Variants in BBS9 observed in about 807,000 individuals in gnomAD.
BBS9 encodes the protein protein PTHB1.
In BBS9, 89 loss-of-function variants were observed where a neutral mutation model predicts 117.7. The observed-to-expected ratio is 0.76, with a 90% CI of 0.64 to 0.90. The LOEUF is 0.90. Among genes scored for constraint, BBS9 ranks in the 40% least tolerant of loss-of-function variants. The pLI is 0.00. For synonymous variants in BBS9, 379 were observed against 370.9 expected, an observed-to-expected ratio of 1.02 and a Z score of -0.25; for missense variants, 982 against 1,042.2, an observed-to-expected ratio of 0.94 and a Z score of 0.80.
rs538974064 is a variant in BBS9 at position 33,230,087 on chromosome 7, C to A, written c.443-27149C>A. ...GAGAAATGTCTATTTATGTCTTTTG[C>A]CCATTTAAAAATCAGATTGTTTTGA... On this transcript the variant is annotated intron_variant, in intron 5 of 22. Coordinates refer to ENST00000242067, the MANE Select transcript of BBS9 (RefSeq NM_198428.3). Among the ~76,000 whole-genome samples, 8 of 152,176 alleles carry A rather than the reference C, an allele frequency of 5.3e-5. No homozygotes were observed. In the South Asian group the frequency reaches 1.7e-3, roughly 32 times the overall value.
intron 9 of BBS9, among the ~76,000 whole-genome samples, chr7:33,320,171 T>A (rs1811393256): frequency 6.6e-6 from 1 of 152,206 alleles, no homozygotes; most frequent in Non-Finnish European, 1.5e-5. Flanking sequence ...CACCCTGTTG[T>A]GCTAGCAAAT....
At chr7:33,324,395 ATTG>A (rs759432183) in intron 9 of BBS9, among the ~76,000 whole-genome samples, 1 of 152,008 alleles carries the variant, frequency 6.6e-6, no homozygotes, top group African/African-American at 2.4e-5. Context: ...TTTAACTTTT[ATTG>A]TTTCTCTTTA....
chr7:33,203,633 A>T (rs1188085149), intron 5 of BBS9, among the ~76,000 whole-genome samples: 3 of 152,210 alleles, frequency 2.0e-5, no homozygotes. Context: ...CTATGGTATG[A>T]TAAATGCTGC....
chr7:33,407,619 A>T (rs556489107), intron 19 of BBS9, among the ~76,000 whole-genome samples: 109 of 152,190 alleles, frequency 7.2e-4, no homozygotes, highest in African/African-American at 2.4e-3. Context: ...TTTCGTGTGG[A>T]TGTCCTTTCT....
intron 15 of BBS9, among the ~76,000 whole-genome samples, chr7:33,354,569 CT>C (rs1819290197): frequency 6.6e-6 from 1 of 152,094 alleles, no homozygotes; most frequent in African/African-American, 2.4e-5. Flanking sequence ...TGAAATTACT[CT>C]AGCAGGCCCC....
intron 9 of BBS9, among the ~76,000 whole-genome samples, chr7:33,286,032 G>A (rs139136792): frequency 2.3e-3 from 347 of 152,034 alleles, no homozygotes; most frequent in Non-Finnish European, 3.5e-3. Flanking sequence ...AATTTGCCTG[G>A]CAGAGATTTT....
In BBS9 at chr7:33,604,854, T is replaced by G; in HGVS notation, c.2522-11T>G. On this transcript the variant is annotated splice_polypyrimidine_tract_variant and intron_variant, in intron 21 of 22. Coordinates refer to ENST00000242067, the MANE Select transcript of BBS9 (RefSeq NM_198428.3). Reference sequence around the variant, plus strand: ...ACATTGCTTAAAATATTGTTTGTATTTTTCAACTAGGTGGTTGTACTACAA... The same window carrying G: ...ACATTGCTTAAAATATTGTTTGTATGTTTCAACTAGGTGGTTGTACTACAA... 6.3e-7 allele frequency: 1 copy of G among 1,582,632 alleles called. No individual in the cohort carries two copies. The highest frequency in any genetic ancestry group is 1.3e-5 in the African/African-American group (1 of 74,318).
intron 5 of BBS9, among the ~76,000 whole-genome samples, chr7:33,213,587 G>A (rs1454671843): frequency 6.6e-6 from 1 of 152,172 alleles, no homozygotes; most frequent in African/African-American, 2.4e-5. Flanking sequence ...CTGGGAATGT[G>A]CTGGGTCACA....
intron 21 of BBS9, among the ~76,000 whole-genome samples, chr7:33,615,339 C>T (rs773948402): frequency 1.4e-4 from 22 of 152,000 alleles, no homozygotes; most frequent in Non-Finnish European, 2.6e-4. Flanking sequence ...ACTAAGGGTT[C>T]TGCACTGGAT....
intron 5 of BBS9, among the ~76,000 whole-genome samples, chr7:33,196,136 G>T (rs1050176067): frequency 3.9e-5 from 6 of 151,922 alleles, no homozygotes; most frequent in African/African-American, 1.5e-4. Context: ...TCCTGCCAAA[G>T]AAAATAGTGA....
chr7:33,199,606 T>C (rs1476232490), intron 5 of BBS9, among the ~76,000 whole-genome samples: 2 of 151,862 alleles, frequency 1.3e-5, no homozygotes, highest in African/African-American at 4.8e-5. Context: ...TTTAATGTTA[T>C]ACTTACTCAG....
intron 19 of BBS9, among the ~76,000 whole-genome samples, chr7:33,412,491 A>C (rs1831326510): frequency 6.6e-6 from 1 of 152,192 alleles, no homozygotes. Context: ...TATTTTGCTA[A>C]TGAGATATGC....
intron 9 of BBS9, among the ~76,000 whole-genome samples, chr7:33,294,342 T>TCTTTGTCC (rs1804793028): frequency 3.0e-5 from 4 of 132,224 alleles, no homozygotes; most frequent in African/African-American, 1.2e-4. Flanking sequence ...TCTATCTATC[T>TCTTTGTCC]ATCTATCTAT....
At chr7:33,237,074 G>T (rs1317905957) in intron 5 of BBS9, among the ~76,000 whole-genome samples, 1 of 151,998 alleles carries the variant, frequency 6.6e-6, no homozygotes, top group African/African-American at 2.4e-5. Flanking sequence ...AATATAAAAT[G>T]AATACATTTT....
intron 1 of BBS9, among the ~76,000 whole-genome samples, chr7:33,138,267 G>A (rs1459598768): frequency 1.4e-5 from 2 of 146,496 alleles, no homozygotes; most frequent in African/African-American, 4.9e-5. Context: ...ATACTTTCCA[G>A]CTGTTTTAGG....
At chr7:33,344,358 C>T (rs532337295) in intron 11 of BBS9, among the ~76,000 whole-genome samples, 29 of 151,924 alleles carry the variant, frequency 1.9e-4, no homozygotes, top group Non-Finnish European at 3.5e-4. Context: ...CGTGAGCCAC[C>T]GTGCCCGGCC....
At chr7:33,275,734 T>C (rs758623381) in intron 9 of BBS9, among the ~76,000 whole-genome samples, 1 of 152,214 alleles carries the variant, frequency 6.6e-6, no homozygotes, top group Non-Finnish European at 1.5e-5. Flanking sequence ...TTTTTACACA[T>C]ACATTATATA....
At chr7:33,370,414 G>A (rs1179750029) in intron 17 of BBS9, among the ~76,000 whole-genome samples, 1 of 152,070 alleles carries the variant, frequency 6.6e-6, no homozygotes, top group Non-Finnish European at 1.5e-5. Context: ...AGGCTGCAGT[G>A]AGCTGAGATT....
intron 19 of BBS9, among the ~76,000 whole-genome samples, chr7:33,421,819 T>G (rs1161264915): frequency 2.0e-5 from 3 of 152,198 alleles, no homozygotes; most frequent in Non-Finnish European, 4.4e-5. Context: ...AGGACATGGT[T>G]GGTACCTCCA....
Sources: gnomAD v4.1 joint callset for allele counts (sites outside exome capture counted in the v4.1 genomes callset) on GRCh38, gnomAD v4.1.1 for gene constraint, MANE v1.5 for transcripts, NCBI Gene and HGNC (gene_info 2026-07-23, HGNC 2026-07-21) for gene names.